The following SH3TC2 variants were observed in gnomAD, a reference collection of about 807,000 sequenced individuals.
SH3TC2 encodes SH3 domain and tetratricopeptide repeat-containing protein 2.
SH3TC2 carries 87 observed loss-of-function variants against 124.5 expected under a neutral mutation model. The observed-to-expected ratio is 0.70, with a 90% CI of 0.59 to 0.84. The LOEUF (loss-of-function observed/expected upper bound fraction) is 0.84, where lower values mean the gene tolerates loss of function less well. SH3TC2 is among the 40% of genes least tolerant of loss of function. SH3TC2 has a pLI of 0.00. For missense variants in SH3TC2, 1,536 were observed against 1,566.4 expected (o/e 0.98, Z 0.33); for synonymous variants, 634 against 628.5 (o/e 1.01, Z -0.13).
At chr5:149,006,289 T>C (rs1753687836) in intron 16 of SH3TC2, 1 of 110,200 alleles carries the variant, frequency 9.1e-6, no homozygotes, top group Non-Finnish European at 2.1e-5. Flanking sequence ...AAAAAAGAAG[T>C]TCTAGATTCA....
At chr5:149,024,865 C>T (rs1580898413) in intron 12 of SH3TC2, among the ~76,000 whole-genome samples, 1 of 152,136 alleles carries the variant, frequency 6.6e-6, no homozygotes, top group Admixed American at 6.5e-5. Flanking sequence ...CTCTGGCTTC[C>T]CCCTTAATAT....
chr5:148,985,571 A>T lies in SH3TC2; in HGVS notation c.*19140T>A, dbSNP rs1490767951. ...TCTTTTTATTACTGAGTAGTATTCC[A>T]CTGTATGAATACACCATAGTTTGTT... On this transcript the variant is annotated 3_prime_UTR_variant, in exon 17 of 17. Coordinates refer to ENST00000515425, the MANE Select transcript of SH3TC2 (RefSeq NM_024577.4). Among the ~76,000 whole-genome samples the T allele has an allele frequency of 6.6e-6, 1 of 152,164 alleles. No individual in the cohort carries two copies.
rs765354490 is a variant in SH3TC2 at position 149,038,343 on chromosome 5, A to C, written c.953T>G (p.Val318Gly). The change falls in exon 8 of 17, where the codon GTG becomes GGG. Residue 318 changes from valine to glycine, a missense_variant. Around this residue, in one of 3 missense-constraint regions of SH3TC2, gnomAD observed 1,102 missense variants for 1,098.6 expected, o/e 1.00. Transcript: ENST00000515425. ...FIGKSTSSGQ[V>G]GFVPTRNIDP... ...TATGTTCCTGGTGGGGACAAAGCCC[A>C]CTTGTCCTGAACTTGTCGACTTTCC... 1.9e-6 allele frequency: 3 copies of C among 1,614,198 alleles called. No homozygotes were observed. The highest frequency in any genetic ancestry group is 2.5e-6 in the Non-Finnish European group (3 of 1,180,016).
At chr5:149,057,730 C>T (rs1754675983) in intron 1 of SH3TC2, 1 of 152,170 alleles carries the variant, frequency 6.6e-6, no homozygotes, top group Admixed American at 6.5e-5. Context: ...AGAGAAGTGG[C>T]TAAGAACAAG....
intron 1 of SH3TC2, among the ~76,000 whole-genome samples, chr5:149,060,648 G>A (rs2127405482): frequency 6.6e-6 from 1 of 152,288 alleles, no homozygotes; most frequent in East Asian, 1.9e-4. Context: ...AGCACCCCAG[G>A]AAACATAAGT....
intron 8 of SH3TC2, chr5:149,035,510 G>A (rs1237126158): frequency 5.2e-5 from 8 of 152,780 alleles, no homozygotes; most frequent in African/African-American, 1.9e-4. Flanking sequence ...AGAGACTTCA[G>A]CGGCTTGCTT....
intron 1 of SH3TC2, among the ~76,000 whole-genome samples, chr5:149,058,926 T>C (rs1050843651): frequency 1.3e-5 from 2 of 151,946 alleles, no homozygotes; most frequent in Non-Finnish European, 2.9e-5. Flanking sequence ...AAAAGCACAA[T>C]AGGCAGAGAG....
In SH3TC2 at chr5:148,982,665, A is replaced by G. The variant is rs1236653098; in HGVS notation, c.*22046T>C. Among the ~76,000 whole-genome samples the G allele has an allele frequency of 1.3e-5, 2 of 152,220 alleles. No homozygotes were observed. Among genetic ancestry groups the G allele is most frequent in the Non-Finnish European group, 2.9e-5 (2 of 68,028 alleles). Reference sequence around the variant, plus strand: ...AGCAGAGTGTATAGTATGCTATAATATTTAAAATGGCGGGAGAGTATGTCA... The same window carrying G: ...AGCAGAGTGTATAGTATGCTATAATGTTTAAAATGGCGGGAGAGTATGTCA... On this transcript the variant is annotated 3_prime_UTR_variant, in exon 17 of 17. Transcript: ENST00000515425.
rs764436192 is a variant in SH3TC2, at chr5:149,027,427, C to G, written c.2305G>C (p.Glu769Gln). The change falls in exon 11 of 17, where the codon GAG becomes CAG. Residue 769 changes from glutamate to glutamine, a missense_variant. This residue lies in a region of SH3TC2 where 1,102 missense variants were observed against 1,098.6 expected (regional missense o/e 1.00). Coordinates refer to ENST00000515425, the MANE Select transcript of SH3TC2 (RefSeq NM_024577.4). ...LCLILSKVYL[E>Q]HRSPDGAIHY... ...ATGGCACCGTCAGGAGACCTGTGCT[C>G]GAGGTACACTTTGGAAAGGATGAGA... 1 of 1,613,990 alleles carries G rather than the reference C, an allele frequency of 6.2e-7. No individual in the cohort carries two copies. Among genetic ancestry groups the G allele is most frequent in the Non-Finnish European group, 8.5e-7 (1 of 1,180,058 alleles).
rs372749343 is a variant in SH3TC2 at position 149,028,109 on chromosome 5, C to T, written c.1623G>A (p.Lys541=). The change falls in exon 11 of 17, where the codon AAG becomes AAA. Residue 541 remains lysine, a synonymous_variant. Coordinates refer to ENST00000515425, the MANE Select transcript of SH3TC2 (RefSeq NM_024577.4). ...CFLLGRLSIR[K]VKLSQARVYF... ...ACACCCTGGCCTGAGAGAGTTTGAC[C>T]TTCCTGATGCTCAGCCGGCCCAGGA... 1.4e-4 allele frequency: 233 copies of T among 1,614,138 alleles called. 1 individual carries two copies. The highest frequency in any genetic ancestry group is 1.4e-3 in the South Asian group (129 of 91,084).
At chr5:149,013,755 C>T (rs1036765423) in intron 12 of SH3TC2, among the ~76,000 whole-genome samples, 2 of 152,148 alleles carry the variant, frequency 1.3e-5, no homozygotes, top group East Asian at 1.9e-4. Flanking sequence ...TTCTCACAGA[C>T]GATTCAGTAT....
rs370960161 is a variant in SH3TC2, at chr5:149,004,992, T to G, written c.3676-90A>C. 577 of 1,407,294 alleles carry G rather than the reference T, an allele frequency of 4.1e-4. 1 individual carries two copies. The highest frequency in any genetic ancestry group is 2.9e-3 in the African/African-American group (201 of 69,022). The allele number at this position is 1,407,294 out of a possible 1,614,324, so 87.2% of individuals were successfully genotyped here. On this transcript the variant is annotated intron_variant, in intron 16 of 16. Coordinates refer to ENST00000515425, the MANE Select transcript of SH3TC2 (RefSeq NM_024577.4). ...AGGCTGTGCTGGCCACTCTAGTTTT[T>G]TTTGTTTGTTTGTTTGTTTGTTTGT... is the stretch of plus-strand genomic sequence containing the variant.
At chr5:149,061,015 C>T (rs1387746802) in intron 1 of SH3TC2, among the ~76,000 whole-genome samples, 1 of 152,168 alleles carries the variant, frequency 6.6e-6, no homozygotes, top group Non-Finnish European at 1.5e-5. Flanking sequence ...GGACCTACAA[C>T]ACCAATATCA....
In SH3TC2 at chr5:149,027,369, T is replaced by G. The variant is rs758220413; in HGVS notation, c.2363A>C (p.Gln788Pro). 8 of 1,614,086 alleles carry G rather than the reference T, an allele frequency of 5.0e-6. No homozygotes were observed. Among genetic ancestry groups the G allele is most frequent in the Non-Finnish European group, 6.8e-6 (8 of 1,179,992 alleles). The change falls in exon 11 of 17, where the codon CAG becomes CCG. Residue 788 changes from glutamine (Q) to proline (P), a missense_variant. Gln to Pro is a moderately conservative substitution (Grantham distance 76). Coordinates refer to ENST00000515425, the MANE Select transcript of SH3TC2 (RefSeq NM_024577.4). The stretch of plus-strand genomic sequence containing the variant: ...AAAGGATTCCTGCTCACCCAGCAGC[T>G]GCCCTAGCACCAAGGCCTGGCTCAG... Reference protein sequence around the residue: ...HYLSQALVLGQLLGEQESFES... With the variant: ...HYLSQALVLGPLLGEQESFES...
At chr5:149,059,644 A>G (rs1276357222) in intron 1 of SH3TC2, among the ~76,000 whole-genome samples, 2 of 150,270 alleles carry the variant, frequency 1.3e-5, no homozygotes, top group Admixed American at 6.9e-5. Flanking sequence ...GATAATGTTT[A>G]GCAAAAAAAA....
intron 3 of SH3TC2, chr5:149,047,628 A>T (rs1177610432): frequency 1.1e-5 from 6 of 523,864 alleles, no homozygotes; most frequent in Admixed American, 2.9e-5. Context: ...AGAATATTTG[A>T]AACCAAATTT....
chr5:149,050,952 T>C (rs1006382328), intron 2 of SH3TC2, among the ~76,000 whole-genome samples: 3 of 152,350 alleles, frequency 2.0e-5, no homozygotes, highest in African/African-American at 7.2e-5. Context: ...TTTCCCTCGC[T>C]GACATTCTGT....
rs5872107 is a variant in SH3TC2 at position 149,003,849 on chromosome 5, CAA to C, written c.*860_*861del. The C allele has an allele frequency of 0.029, 4,858 of 169,704 alleles. 2 individuals carry two copies. Among genetic ancestry groups the C allele is most frequent in the Middle Eastern group, 0.042 (18 of 428 alleles). 10.5% of individuals were successfully genotyped at this position (169,704 alleles called of 1,614,324 possible). On this transcript the variant is annotated 3_prime_UTR_variant, in exon 17 of 17. Transcript: ENST00000515425. Reference sequence around the variant, plus strand: ...CTGGGCAACAGAGGAGAAACTGTCTCAAAAAAAAAAAAAAAAAAAAAAGACAT... The same window carrying C: ...CTGGGCAACAGAGGAGAAACTGTCTCAAAAAAAAAAAAAAAAAAAAGACAT...
chr5:149,016,573 A>T (rs1753875860), intron 12 of SH3TC2, among the ~76,000 whole-genome samples: 1 of 152,360 alleles, frequency 6.6e-6, no homozygotes, highest in East Asian at 1.9e-4. Context: ...TATTAATTAT[A>T]TATTTTAAAA....
Sources: allele counts gnomAD v4.1 joint callset (sites outside exome capture counted in the v4.1 genomes callset), GRCh38; gene constraint gnomAD v4.1.1; regional missense constraint gnomAD v4.1.1; transcripts MANE v1.5; gene names NCBI Gene and HGNC (gene_info 2026-07-23, HGNC 2026-07-21).